PTPN9: variants seen among roughly 807,000 people sequenced by gnomAD.
PTPN9 encodes the protein tyrosine-protein phosphatase non-receptor type 9.
In PTPN9, 26 loss-of-function variants were observed where a neutral mutation model predicts 69.8. The observed-to-expected ratio is 0.37, with a 90% confidence interval of 0.27 to 0.52. The LOEUF (loss-of-function observed/expected upper bound fraction) is 0.52, where lower values mean the gene tolerates loss of function less well. PTPN9 is among the 20% of genes least tolerant of loss of function. PTPN9 has a pLI of 0.91. For missense variants in PTPN9, 549 were observed against 740.3 expected, an observed-to-expected ratio of 0.74 and a Z score of 3.00; for synonymous variants, 274 against 272.5, an observed-to-expected ratio of 1.01 and a Z score of -0.05.
intron 5 of PTPN9, among the ~76,000 whole-genome samples, chr15:75,514,235 T>C (rs1450688616): frequency 2.0e-5 from 3 of 151,490 alleles, no homozygotes; most frequent in Non-Finnish European, 2.9e-5. Context: ...CAGTGTTGCA[T>C]GGTAACCACA....
At chr15:75,471,296 A>G (rs2074563340) in intron 10 of PTPN9, among the ~76,000 whole-genome samples, 1 of 152,176 alleles carries the variant, frequency 6.6e-6, no homozygotes, top group Admixed American at 6.6e-5. Context: ...AAGAAAAAAA[A>G]AGAGTAGAGA....
At chr15:75,512,087 C>T (rs957125371) in intron 5 of PTPN9, among the ~76,000 whole-genome samples, 1 of 152,112 alleles carries the variant, frequency 6.6e-6, no homozygotes, top group East Asian at 1.9e-4. Context: ...TCAAGTGATC[C>T]GCCCATCTTG....
intron 7 of PTPN9, among the ~76,000 whole-genome samples, chr15:75,495,293 T>A (rs975125572): frequency 1.3e-5 from 2 of 150,778 alleles, no homozygotes; most frequent in African/African-American, 4.9e-5. Context: ...TAGACTAGAA[T>A]GAAAGAAAAA....
At chr15:75,559,588 T>C (rs1162117089) in intron 1 of PTPN9, among the ~76,000 whole-genome samples, 1 of 151,552 alleles carries the variant, frequency 6.6e-6, no homozygotes, top group Non-Finnish European at 1.5e-5. Context: ...TTGTTAAGAG[T>C]CATCAACCAC....
At chr15:75,483,431 CATT>C (rs2074656137) in intron 8 of PTPN9, among the ~76,000 whole-genome samples, 1 of 152,134 alleles carries the variant, frequency 6.6e-6, no homozygotes, top group Non-Finnish European at 1.5e-5. Flanking sequence ...ACCTAGAAAA[CATT>C]ATGCTAAATG....
chr15:75,547,963 G>A (rs1384435344), intron 1 of PTPN9, among the ~76,000 whole-genome samples: 1 of 152,088 alleles, frequency 6.6e-6, no homozygotes, highest in Admixed American at 6.6e-5. Context: ...ACCATGCCTG[G>A]CCCCTACTGG....
At position 75,473,366 on chromosome 15, in the gene PTPN9, C is replaced by T. The variant is rs979000327; in HGVS notation, c.1208+323G>A. On this transcript the variant is annotated intron_variant, in intron 10 of 12. Coordinates refer to ENST00000618819, the MANE Select transcript of PTPN9 (RefSeq NM_002833.4). ...CTGGGTTCAAGTGATTCTCCTGCCT[C>T]AGCCTCCCAAGTAGCTGGGATTACA... Among the ~76,000 whole-genome samples, 77 of 152,170 alleles carry T rather than the reference C, an allele frequency of 5.1e-4. 3 individuals are homozygous for T. Among genetic ancestry groups the T allele is most frequent in the Non-Finnish European group, 1.5e-5 (1 of 68,048 alleles).
chr15:75,578,621 G>A, intron 1 of PTPN9, 93 bp downstream of exon 1: 1 of 1,059,574 alleles, frequency 9.4e-7, no homozygotes. Context: ...CTGCGGCCCC[G>A]TGGCTGCAAA....
intron 1 of PTPN9, among the ~76,000 whole-genome samples, chr15:75,571,336 G>C (rs901388946): frequency 2.0e-5 from 3 of 151,874 alleles, no homozygotes; most frequent in Admixed American, 1.3e-4. Flanking sequence ...ATAAGCATTG[G>C]GCTAAGTGCT....
intron 7 of PTPN9, among the ~76,000 whole-genome samples, chr15:75,500,479 A>T (rs1228400227): frequency 6.6e-6 from 1 of 152,134 alleles, no homozygotes; most frequent in African/African-American, 2.4e-5. Context: ...CGGAGGTTGC[A>T]GTGGGCCGAA....
chr15:75,517,872 A>G (rs2074879501), intron 4 of PTPN9, among the ~76,000 whole-genome samples: 1 of 151,600 alleles, frequency 6.6e-6, no homozygotes, highest in Non-Finnish European at 1.5e-5. Flanking sequence ...ATTACGCCCA[A>G]CAATCCCTAG....
intron 10 of PTPN9, 180 bp from the exon 11 acceptor site, chr15:75,471,010 C>G: frequency 1.4e-6 from 1 of 721,034 alleles, no homozygotes; most frequent in Non-Finnish European, 2.2e-6. Context: ...CAAATGTACT[C>G]ACAGCTAAAG....
At chr15:75,537,442 C>CAAAAAA (rs1567510749) in intron 1 of PTPN9, among the ~76,000 whole-genome samples, 5 of 49,752 alleles carry the variant, frequency 1.0e-4, no homozygotes, top group African/African-American at 6.3e-4. Flanking sequence ...AATATCTTCC[C>CAAAAAA]TAAAAAAAAA....
intron 6 of PTPN9, among the ~76,000 whole-genome samples, 177 bp downstream of exon 6, chr15:75,508,740 G>T (rs1243209771): frequency 2.0e-5 from 3 of 152,220 alleles, no homozygotes; most frequent in Non-Finnish European, 4.4e-5. Context: ...CAGTAAGAGA[G>T]GCAGTCTGTA....
intron 1 of PTPN9, among the ~76,000 whole-genome samples, chr15:75,553,099 T>G (rs1193892487): frequency 1.3e-5 from 2 of 151,814 alleles, no homozygotes; most frequent in Non-Finnish European, 2.9e-5. Context: ...CTACACAAAA[T>G]TGCAAGAGGG....
At chr15:75,575,570 T>C (rs540572267) in intron 1 of PTPN9, among the ~76,000 whole-genome samples, 39 of 152,310 alleles carry the variant, frequency 2.6e-4, no homozygotes, top group African/African-American at 6.5e-4. Context: ...AGGACCACTT[T>C]GATAAGGCTA....
chr15:75,524,130 A>C (rs557571903), intron 3 of PTPN9, 79 bp downstream of exon 3: 36 of 680,746 alleles, frequency 5.3e-5, no homozygotes, highest in Admixed American at 2.1e-4. Flanking sequence ...AAAAAAAAAA[A>C]AAAAAACAAA....
rs2074555342 is a variant in PTPN9, at chr15:75,469,971, A to C, written c.1388T>G (p.Phe463Cys). 1 of 1,613,698 alleles carries C rather than the reference A, an allele frequency of 6.2e-7. No individual in the cohort carries two copies. ...EERQKRQVTH[F>C]QFLSWPDYGV... The stretch of plus-strand genomic sequence containing the variant: ...ATAGTCTGGCCAGCTCAAGAACTGG[A>C]AGTGGGTCACCTGGCGTTTCTGCCG... The change falls in exon 12 of 13, where the codon TTC becomes TGC. Residue 463 changes from phenylalanine (F) to cysteine (C), a missense_variant. Around this residue, in one of 3 missense-constraint regions of PTPN9, gnomAD observed 457 missense variants for 661.9 expected, o/e 0.69. Transcript: ENST00000618819.
chr15:75,545,296 G>A (rs928118046), intron 1 of PTPN9, among the ~76,000 whole-genome samples: 1 of 152,110 alleles, frequency 6.6e-6, no homozygotes, highest in African/African-American at 2.4e-5. Flanking sequence ...GGCCGAGCAT[G>A]GTGGTTCACA....
Sources: allele counts gnomAD v4.1 joint callset (sites outside exome capture counted in the v4.1 genomes callset), GRCh38; gene constraint gnomAD v4.1.1; regional missense constraint gnomAD v4.1.1; transcripts MANE v1.5; gene names NCBI Gene and HGNC (gene_info 2026-07-23, HGNC 2026-07-21).